CSMD1: variants seen among roughly 807,000 people sequenced by gnomAD.
CSMD1 encodes the protein CUB and Sushi multiple domains 1.
In CSMD1, 213 loss-of-function variants were observed where a neutral mutation model predicts 417.5. The observed-to-expected ratio is 0.51, with a 90% CI of 0.46 to 0.57. The LOEUF is 0.57. CSMD1 is among the 20% of genes least tolerant of loss of function. The probability of loss-of-function intolerance (pLI) is 0.00; values close to 1 mark genes in which losing one functional copy is unlikely to be tolerated. For missense variants in CSMD1, 6,923 were observed against 4,529.7 expected (o/e 1.53, Z -15.17); for synonymous variants, 2,862 against 1,736.8 (o/e 1.65, Z -16.11).
chr8:3,903,804 A>G (rs1009288670), intron 5 of CSMD1, among the ~76,000 whole-genome samples: 1 of 152,060 alleles, frequency 6.6e-6, no homozygotes, highest in African/African-American at 2.4e-5. Flanking sequence ...TCAGTGTTCC[A>G]TGGGTCATGT....
chr8:3,846,214 T>A (rs1054037484), intron 5 of CSMD1, among the ~76,000 whole-genome samples: 8 of 152,186 alleles, frequency 5.3e-5, no homozygotes, highest in Admixed American at 3.3e-4. Flanking sequence ...TATACGTTTG[T>A]TGCCACCAGC....
intron 6 of CSMD1, among the ~76,000 whole-genome samples, chr8:3,714,025 C>CAGAAAGAT (rs142412862): frequency 6.8e-6 from 1 of 147,088 alleles, no homozygotes; most frequent in South Asian, 2.2e-4. Flanking sequence ...GCTCACTATG[C>CAGAAAGAT]AGATAGATAG....
chr8:3,954,676 GTA>G (rs1385150812), intron 5 of CSMD1, among the ~76,000 whole-genome samples: 1 of 152,194 alleles, frequency 6.6e-6, no homozygotes, highest in Non-Finnish European at 1.5e-5. Flanking sequence ...CCCAGGACTT[GTA>G]TAGACTCCCC....
At chr8:3,104,997 C>T (rs28664090) in intron 46 of CSMD1, among the ~76,000 whole-genome samples, 3,610 of 152,274 alleles carry the variant, frequency 0.024, 136 homozygotes, top group African/African-American at 0.081. Flanking sequence ...TGCGCCACCG[C>T]GCCCGGCCAG....
chr8:4,827,347 C>G (rs1799893065), intron 1 of CSMD1, among the ~76,000 whole-genome samples: 1 of 152,082 alleles, frequency 6.6e-6, no homozygotes, highest in African/African-American at 2.4e-5. Context: ...TAGAAGAGCA[C>G]ACTAAGACAC....
chr8:4,882,669 A>T (rs1002245711), intron 1 of CSMD1, among the ~76,000 whole-genome samples: 2 of 151,902 alleles, frequency 1.3e-5, no homozygotes, highest in East Asian at 3.9e-4. Flanking sequence ...AGACTCTTCA[A>T]ATTATTCCAT....
At chr8:3,181,707 CT>C (rs1251499780) in intron 36 of CSMD1, among the ~76,000 whole-genome samples, 1 of 152,104 alleles carries the variant, frequency 6.6e-6, no homozygotes, top group Non-Finnish European at 1.5e-5. Flanking sequence ...AATGTTCCCC[CT>C]GGATCTGTTG....
chr8:4,062,856 G>C (rs374713068), intron 3 of CSMD1, among the ~76,000 whole-genome samples: 3 of 150,426 alleles, frequency 2.0e-5, no homozygotes, highest in East Asian at 1.9e-4. Context: ...CCAGCCAAGA[G>C]AAATGAAAGC....
intron 7 of CSMD1, among the ~76,000 whole-genome samples, chr8:3,624,562 A>T (rs1265697982): frequency 1.3e-5 from 2 of 152,210 alleles, no homozygotes; most frequent in Non-Finnish European, 2.9e-5. Context: ...TTTTGAGACA[A>T]ACTGTAACCA....
intron 2 of CSMD1, among the ~76,000 whole-genome samples, chr8:4,454,299 C>T (rs771137998): frequency 6.6e-6 from 1 of 152,174 alleles, no homozygotes; most frequent in African/African-American, 2.4e-5. Flanking sequence ...GGACACCAGA[C>T]GCAGCCTCTT....
At chr8:3,409,030 C>T (rs1337596998) in intron 13 of CSMD1, among the ~76,000 whole-genome samples, 1 of 152,134 alleles carries the variant, frequency 6.6e-6, no homozygotes, top group Non-Finnish European at 1.5e-5. Context: ...AATACCACCA[C>T]CCATGCTCGC....
intron 3 of CSMD1, among the ~76,000 whole-genome samples, chr8:4,284,198 T>C (rs1796936870): frequency 6.6e-6 from 1 of 151,960 alleles, no homozygotes; most frequent in Non-Finnish European, 1.5e-5. Flanking sequence ...TGAAACCCTA[T>C]CTCTACTAAA....
chr8:4,443,073 A>C (rs1798575958), intron 2 of CSMD1, among the ~76,000 whole-genome samples: 1 of 152,200 alleles, frequency 6.6e-6, no homozygotes, highest in South Asian at 2.1e-4. Flanking sequence ...GAAGAGTCAG[A>C]GGTGGTATCT....
At chr8:3,358,820 A>G (rs1179203353) in intron 21 of CSMD1, among the ~76,000 whole-genome samples, 4 of 151,850 alleles carry the variant, frequency 2.6e-5, no homozygotes, top group Non-Finnish European at 5.9e-5. Context: ...CTTGGCTTCT[A>G]TCTTCCAGTT....
At chr8:4,919,257 A>G (rs1806275100) in intron 1 of CSMD1, among the ~76,000 whole-genome samples, 1 of 152,228 alleles carries the variant, frequency 6.6e-6, no homozygotes, top group African/African-American at 2.4e-5. Context: ...TCTCTTGCCC[A>G]AAGGGAAAAA....
intron 3 of CSMD1, among the ~76,000 whole-genome samples, chr8:4,348,843 G>A (rs989292886): frequency 1.3e-5 from 2 of 152,054 alleles, no homozygotes; most frequent in South Asian, 2.1e-4. Flanking sequence ...AGCTTTTAAG[G>A]TACGAACATG....
At chr8:3,375,974 G>C (rs951524521) in intron 18 of CSMD1, among the ~76,000 whole-genome samples, 1 of 151,998 alleles carries the variant, frequency 6.6e-6, no homozygotes, top group East Asian at 1.9e-4. Flanking sequence ...CCAAGCTTTC[G>C]ATATCCCAAA....
intron 3 of CSMD1, among the ~76,000 whole-genome samples, chr8:4,193,629 G>A (rs1267794886): frequency 1.3e-5 from 2 of 152,236 alleles, no homozygotes; most frequent in South Asian, 4.1e-4. Flanking sequence ...TGAGTGTGCT[G>A]TCAAGGGAGG....
In CSMD1 at chr8:3,284,201, G is replaced by C. The variant is rs58993422; in HGVS notation, c.4096C>G (p.Leu1366Val). The C allele has an allele frequency of 1.9e-6, 3 of 1,607,154 alleles. No homozygotes were observed. The highest frequency in any genetic ancestry group is 1.3e-5 in the African/African-American group (1 of 74,912). Residue 1366 changes from leucine (L) to valine (V), a missense_variant, in exon 26 of 70, where the codon CTG becomes GTG. Transcript: ENST00000635120. Reference sequence around the variant, plus strand: ...ATGAAGAAGTCGCTGTCGAACTGCAGGGTGAGTGAGTTGAAGGTGCTGTGG... The same window carrying C: ...ATGAAGAAGTCGCTGTCGAACTGCACGGTGAGTGAGTTGAAGGTGCTGTGG... ...DIHSTFNSLT[L>V]QFDSDFFISK... is the part of the protein sequence containing the mutation.
Sources: allele counts gnomAD v4.1 joint callset (sites outside exome capture counted in the v4.1 genomes callset), GRCh38; gene constraint gnomAD v4.1.1; transcripts MANE v1.5; gene names NCBI Gene and HGNC (gene_info 2026-07-23, HGNC 2026-07-21).